ACOT8: variants seen among roughly 807,000 people sequenced by gnomAD.
The protein encoded by ACOT8 is acyl-CoA thioesterase 8, also known as acyl-coenzyme A thioesterase 8.
In ACOT8, 31 loss-of-function variants were observed where a neutral mutation model predicts 38.4. That is an observed-to-expected ratio of 0.81 (90% CI 0.61 to 1.09). ACOT8 has a LOEUF of 1.09. Ranked by LOEUF, ACOT8 falls within the 50% of genes least tolerant of loss-of-function variation. The pLI, the probability that ACOT8 is intolerant of heterozygous loss-of-function variation, is 0.00. For missense variants in ACOT8, 373 were observed against 421.8 expected (o/e 0.88, Z 1.01); for synonymous variants, 158 against 170.3 (o/e 0.93, Z 0.56).
rs1225726015 is a variant in ACOT8, at chr20:45,855,231, G to C, written c.190C>G (p.Leu64Val). 6.2e-7 allele frequency: 1 copy of C among 1,614,178 alleles called. No homozygotes were observed. Among genetic ancestry groups the C allele is most frequent in the Non-Finnish European group, 8.5e-7 (1 of 1,180,048 alleles). The change falls in exon 2 of 6, where the codon CTG (leucine) becomes GTG (valine). Residue 64 changes from leucine to valine, a missense_variant. Coordinates refer to ENST00000217455, the MANE Select transcript of ACOT8 (RefSeq NM_005469.4). ...CTCACAGACTTGGCTGCAGCCACCAGGGCCTGGCCCACGATCTGACCACCA... is the reference window on the plus strand; with the variant it reads ...CTCACAGACTTGGCTGCAGCCACCACGGCCTGGCCCACGATCTGACCACCA... ...LFGGQIVGQALVAAAKSVSED... is the reference protein window; with the variant it reads ...LFGGQIVGQAVVAAAKSVSED...
chr20:45,851,405 G>A (rs1431382066), intron 2 of ACOT8, among the ~76,000 whole-genome samples: 1 of 152,198 alleles, frequency 6.6e-6, no homozygotes, highest in Admixed American at 6.5e-5. Context: ...TCCTTGGTCT[G>A]CAGGTAAGCT....
chr20:45,854,760 C>A (rs1376807466), intron 2 of ACOT8, among the ~76,000 whole-genome samples: 3 of 152,148 alleles, frequency 2.0e-5, no homozygotes, highest in African/African-American at 7.2e-5. Flanking sequence ...GATCCCTTGA[C>A]TCTCAGGCTG....
intron 3 of ACOT8, among the ~76,000 whole-genome samples, chr20:45,846,966 G>A (rs1036204376): frequency 1.3e-5 from 2 of 152,104 alleles, no homozygotes; most frequent in African/African-American, 4.8e-5. Flanking sequence ...CCAGCACTTT[G>A]AGAGACCAAG....
Position 45,843,580 on chromosome 20 carries a change from G to C in ACOT8, c.788C>G (p.Ala263Gly), listed in dbSNP as rs752252558. The change falls in exon 5 of 6, where the codon GCC becomes GGC. Residue 263 changes from alanine to glycine, a missense_variant. Physicochemically the swap from Ala to Gly is moderately conservative, Grantham distance 60. Transcript: ENST00000217455. ...VSLDHSMWFH[A>G]PFRADHWMLY... ...CATCCAGTGGTCAGCTCGGAAGGGGGCGTGGAACCACATGGAATGGTCCAG... is the reference window on the plus strand; with the variant it reads ...CATCCAGTGGTCAGCTCGGAAGGGGCCGTGGAACCACATGGAATGGTCCAG... The C allele has an allele frequency of 2.5e-6, 4 of 1,612,872 alleles. No homozygotes were observed. The highest frequency in any genetic ancestry group is 3.4e-6 in the Non-Finnish European group (4 of 1,179,112).
chr20:45,848,394 A>T, intron 3 of ACOT8, 56 bp downstream of exon 3: 1 of 1,458,762 alleles, frequency 6.9e-7, no homozygotes, highest in Non-Finnish European at 9.3e-7. Flanking sequence ...TATGACCCAC[A>T]AACAGATAGC....
intron 1 of ACOT8, 65 bp downstream of exon 1, chr20:45,857,123 C>T: frequency 1.9e-6 from 3 of 1,554,798 alleles, no homozygotes; most frequent in South Asian, 1.2e-5. Context: ...GGGCCCCGGG[C>T]GGCGGCAGTC....
intron 5 of ACOT8, 53 bp from the exon 6 acceptor site, chr20:45,842,009 C>CTTTT: frequency 1.4e-6 from 2 of 1,477,892 alleles, no homozygotes; most frequent in Admixed American, 2.0e-5. Flanking sequence ...GCCAAATACA[C>CTTTT]TTTTTTTTTT....
chr20:45,850,250 A>G (rs1984976621), intron 2 of ACOT8, among the ~76,000 whole-genome samples: 1 of 148,226 alleles, frequency 6.7e-6, no homozygotes, highest in Non-Finnish European at 1.5e-5. Context: ...CTCTGTCTCA[A>G]AAAAGAGTGG....
At chr20:45,854,070 TTTA>T in intron 2 of ACOT8, 1 of 934,848 alleles carries the variant, frequency 1.1e-6, no homozygotes, top group South Asian at 1.6e-5. Context: ...TTTCCTTTTA[TTTA>T]TTTTTTTGTA....
At chr20:45,850,468 T>C (rs1329025230) in intron 2 of ACOT8, among the ~76,000 whole-genome samples, 5 of 152,222 alleles carry the variant, frequency 3.3e-5, no homozygotes, top group Admixed American at 1.3e-4. Flanking sequence ...TTGTGGATAG[T>C]AGGCTGGCTT....
chr20:45,844,229 G>T (rs767401187), intron 4 of ACOT8, 34 bp downstream of exon 4: 1 of 1,613,692 alleles, frequency 6.2e-7, no homozygotes, highest in African/African-American at 1.3e-5. Context: ...ACCCCTTGGA[G>T]AGTGGTTTCC....
At position 45,852,920 on chromosome 20, in the gene ACOT8, C is replaced by G. The variant is rs1034486077; in HGVS notation, c.262+2239G>C. Among the ~76,000 whole-genome samples the G allele has an allele frequency of 2.6e-5, 4 of 152,132 alleles. No individual in the cohort carries two copies. The East Asian group carries it at 7.7e-4, about 29-fold the overall frequency. On this transcript the variant is annotated intron_variant, in intron 2 of 5. Transcript: ENST00000217455. ...AGTAGCTGGGACTACAGGCACATGC[C>G]GCCATGCCTGGCTAATTTTTAGTAT...
chr20:45,844,109 T>G, intron 4 of ACOT8, 154 bp downstream of exon 4: 2 of 1,085,542 alleles, frequency 1.8e-6, no homozygotes, highest in Non-Finnish European at 2.7e-6. Context: ...TGCAAAGGGC[T>G]GAGAGGGCCC....
intron 3 of ACOT8, 143 bp from the exon 4 acceptor site, chr20:45,844,563 T>G (rs1601090388): frequency 4.2e-6 from 4 of 951,846 alleles, no homozygotes; most frequent in Non-Finnish European, 6.2e-6. Context: ...GGCAGGATAG[T>G]GCAGCGTTTG....
chr20:45,842,243 T>C, intron 5 of ACOT8: 2 of 1,440,024 alleles, frequency 1.4e-6, no homozygotes, highest in South Asian at 3.0e-5. Context: ...CATGAGCTTA[T>C]TATGGACCGT....
chr20:45,853,697 C>G (rs1173895120), intron 2 of ACOT8: 6 of 246,624 alleles, frequency 2.4e-5, no homozygotes, highest in Admixed American at 5.2e-5. Flanking sequence ...TATTTACTCC[C>G]AACTAGCATA....
chr20:45,852,525 CCA>C (rs1985134105), intron 2 of ACOT8, among the ~76,000 whole-genome samples: 1 of 152,092 alleles, frequency 6.6e-6, no homozygotes, highest in South Asian at 2.1e-4. Flanking sequence ...CAGAGTCACA[CCA>C]CAAACAGATA....
intron 2 of ACOT8, among the ~76,000 whole-genome samples, chr20:45,849,479 T>G: frequency 7.6e-6 from 1 of 131,264 alleles, no homozygotes; most frequent in African/African-American, 2.9e-5. Context: ...GAGAGACAGT[T>G]TCGCTGGGTC....
intron 4 of ACOT8, 148 bp from the exon 5 acceptor site, chr20:45,843,869 G>T: frequency 7.0e-7 from 1 of 1,425,438 alleles, no homozygotes; most frequent in Non-Finnish European, 9.2e-7. Context: ...TGTGTGATAG[G>T]GGAGAAGTGA....
Sources: gnomAD v4.1 joint callset for allele counts (sites outside exome capture counted in the v4.1 genomes callset) on GRCh38, gnomAD v4.1.1 for gene constraint, MANE v1.5 for transcripts, NCBI Gene and HGNC (gene_info 2026-07-23, HGNC 2026-07-21) for gene names.